The following HOXA3 variants were observed in gnomAD, a reference collection of about 807,000 sequenced individuals.
HOXA3 encodes homeobox protein Hox-A3.
HOXA3 carries 8 observed loss-of-function variants against 30.3 expected under a neutral mutation model. The ratio of observed to expected loss-of-function variants is 0.26; its 90% CI spans 0.15 to 0.48. The LOEUF (loss-of-function observed/expected upper bound fraction) is 0.48, where lower values mean the gene tolerates loss of function less well. Among genes scored for constraint, HOXA3 ranks in the 20% least tolerant of loss-of-function variants. The pLI, the probability that HOXA3 is intolerant of heterozygous loss-of-function variation, is 0.99. For missense variants in HOXA3, 653 were observed against 614.4 expected, an observed-to-expected ratio of 1.06 and a Z score of -0.66; for synonymous variants, 323 against 273.1, an observed-to-expected ratio of 1.18 and a Z score of -1.80.
intron 2 of HOXA3, among the ~76,000 whole-genome samples, chr7:27,134,699 T>C (rs1404009892): frequency 6.6e-6 from 1 of 152,204 alleles, no homozygotes; most frequent in Non-Finnish European, 1.5e-5. Context: ...GGCTTCAAGC[T>C]CTTGGCCAGA....
At chr7:27,109,038 C>T (rs548396050) in intron 5 of HOXA3, among the ~76,000 whole-genome samples, 2 of 152,314 alleles carry the variant, frequency 1.3e-5, no homozygotes, top group East Asian at 3.9e-4. Context: ...TTTGGCCTAT[C>T]GGACAACAGC....
In HOXA3 at chr7:27,131,214, G is replaced by A. The variant is rs181715293; in HGVS notation, c.-389-4144C>T. 3.3e-3 allele frequency among the ~76,000 whole-genome samples: 500 copies of A among 152,334 alleles called. 2 individuals are homozygous for A. The highest frequency in any genetic ancestry group is 6.6e-3 in the South Asian group (32 of 4,828). On this transcript the variant is annotated intron_variant, in intron 2 of 5. Coordinates refer to ENST00000612286, the MANE Select transcript of HOXA3 (RefSeq NM_153631.3). ...CCGCGACTCAGCGCTGACCTCGGGC[G>A]CAACCCAGTCAGGCTTCGTGTCCTT...
rs1352814824 is a variant in HOXA3 at position 27,115,119 on chromosome 7, G to C, written c.-120-4359C>G. Among the ~76,000 whole-genome samples, 5 of 150,970 alleles carry C rather than the reference G, an allele frequency of 3.3e-5. No individual in the cohort carries two copies. In the East Asian group the frequency reaches 1.0e-3, roughly 30 times the overall value. ...GCGTCAACGGCGGGTCCTTCTCAAA[G>C]GAAGGTGTTAAAAATATAAGTAGTA... is the stretch of plus-strand genomic sequence containing the variant. On this transcript the variant is annotated intron_variant, in intron 4 of 5. Transcript: ENST00000612286.
At chr7:27,116,525 A>T (rs1784733781) in intron 4 of HOXA3, 1 of 152,204 alleles carries the variant, frequency 6.6e-6, no homozygotes, top group Non-Finnish European at 1.5e-5. Context: ...CTTTCATGGG[A>T]GGAAAAACCA....
chr7:27,115,633 G>A (rs917826648), intron 4 of HOXA3: 1 of 152,258 alleles, frequency 6.6e-6, no homozygotes, highest in African/African-American at 2.4e-5. Flanking sequence ...CCCGAGCAAG[G>A]GCTGGGGCGC....
intron 1 of HOXA3, chr7:27,151,698 C>A (rs1036966772): frequency 6.6e-6 from 3 of 456,572 alleles, no homozygotes; most frequent in Non-Finnish European, 8.8e-6. Flanking sequence ...TTTTCTGTTT[C>A]CCCCTTCTAC....
intron 2 of HOXA3, chr7:27,130,809 C>G: frequency 7.0e-7 from 1 of 1,425,514 alleles, no homozygotes; most frequent in Non-Finnish European, 9.6e-7. Flanking sequence ...CCCTCCCCCT[C>G]CTGCCTCGCT....
chr7:27,134,564 T>G (rs988640589), intron 2 of HOXA3, among the ~76,000 whole-genome samples: 1 of 152,258 alleles, frequency 6.6e-6, no homozygotes, highest in Non-Finnish European at 1.5e-5. Context: ...ATTGTCTTGT[T>G]GACTCATCGA....
At position 27,108,334 on chromosome 7, in the gene HOXA3, A is replaced by G. The variant is rs2128038083; in HGVS notation, c.913T>C (p.Tyr305His). Residue 305 changes from tyrosine to histidine, a missense_variant, in exon 6 of 6, where the codon TAC (tyrosine) becomes CAC (histidine). Around this residue, in one of 3 missense-constraint regions of HOXA3, gnomAD observed 330 missense variants for 274.4 expected, o/e 1.20. Coordinates refer to ENST00000612286, the MANE Select transcript of HOXA3 (RefSeq NM_153631.3). This position sits in a 1 kb window ranked among gnomAD's most constrained non-coding sequence, Gnocchi z 5.0. ...PPFSKPPQGT[Y>H]GLPPASYPAS... ...GGGTAGGAGGCGGGGGGCAGCCCGT[A>G]GGTACCCTGGGGGGGCTTGGAGAAG... is the stretch of plus-strand genomic sequence containing the variant. 1 of 1,488,518 alleles carries G rather than the reference A, an allele frequency of 6.7e-7. No homozygotes were observed. The highest frequency in any genetic ancestry group is 2.3e-5 in the East Asian group (1 of 43,812). The allele number at this position is 1,488,518 out of a possible 1,614,324, so 92.2% of individuals were successfully genotyped here. A position where few individuals can be genotyped will look rare whatever the true frequency, so the allele number is the denominator to read the frequency against.
rs1429064865 is a variant in HOXA3, at chr7:27,146,014, C to T, written c.-493-5828G>A. The T allele has an allele frequency of 3.6e-6, 5 of 1,375,788 alleles. No homozygotes were observed. In the African/African-American group the frequency reaches 7.3e-5, roughly 20 times the overall value. 85.2% of individuals were successfully genotyped at this position (1,375,788 alleles called of 1,614,324 possible). On this transcript the variant is annotated intron_variant, in intron 1 of 5. Coordinates refer to ENST00000612286, the MANE Select transcript of HOXA3 (RefSeq NM_153631.3). The stretch of plus-strand genomic sequence containing the variant: ...CACAAGAGGCACCCAGACTAGAAAC[C>T]ACCCCGCCTCCACTCCAGCCTCTCC...
intron 2 of HOXA3, chr7:27,128,974 C>T: frequency 1.8e-6 from 1 of 566,560 alleles, no homozygotes; most frequent in Non-Finnish European, 3.2e-6. Flanking sequence ...GGTATCCACA[C>T]CTGGCAGCCT....
chr7:27,138,082 C>A (rs1010790486), intron 2 of HOXA3, among the ~76,000 whole-genome samples: 9 of 152,172 alleles, frequency 5.9e-5, no homozygotes, highest in African/African-American at 9.7e-5. Flanking sequence ...AACAAGGAAT[C>A]CAGTATTCTC....
At chr7:27,135,165 T>C (rs998628558) in intron 2 of HOXA3, among the ~76,000 whole-genome samples, 4 of 152,090 alleles carry the variant, frequency 2.6e-5, no homozygotes, top group African/African-American at 9.7e-5. Context: ...CTTAGGTTGC[T>C]TTATCTTCTC....
chr7:27,129,171 G>A (rs914028233), intron 2 of HOXA3: 1 of 1,063,304 alleles, frequency 9.4e-7, no homozygotes, highest in Non-Finnish European at 1.5e-6. Flanking sequence ...CGGAGCAGGA[G>A]AAGAGAAGAG....
Position 27,129,998 on chromosome 7 carries a change from T to C in HOXA3, c.-389-2928A>G, listed in dbSNP as rs6943542. 1,157,299 of 1,199,474 alleles carry C rather than the reference T, an allele frequency of 0.96. 558,560 individuals carry two copies. The highest frequency in any genetic ancestry group is 1 in the East Asian group (37,414 of 37,510). The allele number at this position is 1,199,474 out of a possible 1,614,324, so 74.3% of individuals were successfully genotyped here. A position where few individuals can be genotyped will look rare whatever the true frequency, so the allele number is the denominator to read the frequency against. On this transcript the variant is annotated intron_variant, in intron 2 of 5. Coordinates refer to ENST00000612286, the MANE Select transcript of HOXA3 (RefSeq NM_153631.3). ...TACCCACATCTCACCGCAGCCCGGG[T>C]CAGATGGGGGCTCCCCTCCCGAGGC...
chr7:27,110,197 T>C lies in HOXA3; in HGVS notation c.444A>G (p.Ser148=), dbSNP rs752094988. ...GGAAGATTTGTTTGGCCACTGTGGG[T>C]GAGTTGAGCAGGGGGCTCTTGGCCG... ...ANAAKSPLLN[S]PTVAKQIFPW... Residue 148 remains serine, a synonymous_variant, in exon 5 of 6, where the codon TCA becomes TCG. Coordinates refer to ENST00000612286, the MANE Select transcript of HOXA3 (RefSeq NM_153631.3). 11 of 1,613,306 alleles carry C rather than the reference T, an allele frequency of 6.8e-6. No individual in the cohort carries two copies. In the East Asian group the frequency reaches 2.5e-4, roughly 36 times the overall value.
intron 4 of HOXA3, among the ~76,000 whole-genome samples, chr7:27,118,302 G>A (rs1439334434): frequency 3.9e-5 from 6 of 152,210 alleles, no homozygotes; most frequent in Non-Finnish European, 5.9e-5. Context: ...GGGGTTGGGG[G>A]AAAGCTCTGG....
chr7:27,145,166 C>A (rs1331779176), intron 1 of HOXA3, among the ~76,000 whole-genome samples: 1 of 152,250 alleles, frequency 6.6e-6, no homozygotes, highest in Non-Finnish European at 1.5e-5. Context: ...TAGACCCCCT[C>A]TTTCCACTGG....
chr7:27,110,757 A>T lies in HOXA3; in HGVS notation c.-117T>A. The T allele has an allele frequency of 6.6e-7, 1 of 1,505,836 alleles. No homozygotes were observed. Among genetic ancestry groups the T allele is most frequent in the African/African-American group, 1.4e-5 (1 of 73,320 alleles). 93.3% of individuals were successfully genotyped at this position (1,505,836 alleles called of 1,614,324 possible). A position where few individuals can be genotyped will look rare whatever the true frequency, so the allele number is the denominator to read the frequency against. On this transcript the variant is annotated 5_prime_UTR_variant, in exon 5 of 6. Transcript: ENST00000612286. ...TCCGCCGCCAATGGCCGCCCCGCGC[A>T]GACCTGGTGGGGCGAGAAGCGCAGC...
Sources: gnomAD v4.1 joint callset for allele counts (sites outside exome capture counted in the v4.1 genomes callset) on GRCh38, gnomAD v4.1.1 for gene constraint, gnomAD v4.1.1 regional missense constraint, Gnocchi (gnomAD v3.1) non-coding constraint, MANE v1.5 for transcripts, NCBI Gene and HGNC (gene_info 2026-07-23, HGNC 2026-07-21) for gene names.